Variants in MDH2 observed in about 807,000 individuals in gnomAD.
MDH2 encodes malate dehydrogenase 2.
Under a neutral mutation model 33.6 loss-of-function variants are expected in MDH2, and 25 were observed. The ratio of observed to expected loss-of-function variants is 0.74; its 90% CI spans 0.54 to 1.04. MDH2 has a LOEUF of 1.04. Ranked by LOEUF, MDH2 falls within the 50% of genes least tolerant of loss-of-function variation. The pLI is 0.00. For missense variants in MDH2, 432 were observed against 445.0 expected, an observed-to-expected ratio of 0.97 and a Z score of 0.26; for synonymous variants, 193 against 188.7, an observed-to-expected ratio of 1.02 and a Z score of -0.19.
Position 76,064,832 on chromosome 7 carries a change from G to C in MDH2, c.764G>C (p.Gly255Ala). The C allele has an allele frequency of 2.5e-6, 4 of 1,614,050 alleles. No individual in the cohort carries two copies. The highest frequency in any genetic ancestry group is 3.4e-6 in the Non-Finnish European group (4 of 1,180,008). The change falls in exon 8 of 9, where the codon GGC becomes GCC. Residue 255 changes from glycine to alanine, a missense_variant. Gly to Ala is a moderately conservative substitution (Grantham distance 60). Coordinates refer to ENST00000315758, the MANE Select transcript of MDH2 (RefSeq NM_005918.4). ...GSATLSMAYAGARFVFSLVDA... is the reference protein window; with the variant it reads ...GSATLSMAYAAARFVFSLVDA... ...GCCACCCTCTCCATGGCGTATGCCG[G>C]CGCCCGCTTTGTCTTCTCCCTTGTG...
chr7:76,064,755 G>A (rs781949535), intron 7 of MDH2, 47 bp from the exon 8 acceptor site: 45 of 1,568,908 alleles, frequency 2.9e-5, no homozygotes, highest in African/African-American at 4.1e-5. Context: ...TCACCTGGGC[G>A]TCACGTTTGT....
At chr7:76,064,624 T>G (rs1798044063) in intron 7 of MDH2, among the ~76,000 whole-genome samples, 178 bp from the exon 8 acceptor site, 1 of 152,210 alleles carries the variant, frequency 6.6e-6, no homozygotes, top group African/African-American at 2.4e-5. Context: ...GAGTCATTTT[T>G]GAGGGTGGCA....
At chr7:76,052,637 T>G (rs1330137083) in intron 1 of MDH2, among the ~76,000 whole-genome samples, 1 of 150,904 alleles carries the variant, frequency 6.6e-6, no homozygotes, top group Non-Finnish European at 1.5e-5. Flanking sequence ...GATCTCCTCC[T>G]GGGTTCAAGC....
chr7:76,064,236 T>C (rs1798031407), intron 6 of MDH2, 103 bp from the exon 7 acceptor site: 2 of 730,758 alleles, frequency 2.7e-6, no homozygotes, highest in Admixed American at 6.1e-5. Flanking sequence ...CATGCCCTGG[T>C]GATGGGAGGG....
At chr7:76,055,566 A>G (rs1209429450) in intron 2 of MDH2, among the ~76,000 whole-genome samples, 1 of 151,340 alleles carries the variant, frequency 6.6e-6, no homozygotes, top group East Asian at 2.0e-4. Flanking sequence ...CGAGACCCCT[A>G]TCTCAACAAA....
chr7:76,062,352 G>A (rs1797979495), intron 5 of MDH2, among the ~76,000 whole-genome samples: 2 of 152,222 alleles, frequency 1.3e-5, no homozygotes, highest in Non-Finnish European at 2.9e-5. Context: ...TGGAAAGCAG[G>A]GCTGTGTCCC....
In MDH2 at chr7:76,058,066, C is replaced by T. The variant is rs374670265; in HGVS notation, c.417C>T (p.Val139=). ...ACTGCCCGGAAGCCATGATCTGCGT[C>T]ATTGCCAATCCGGTGAGTGTGGCAG... The part of the protein sequence containing the change: ...AQHCPEAMIC[V]IANPVNSTIP... Residue 139 remains valine (V), a synonymous_variant, in exon 4 of 9, where the codon GTC becomes GTT. Transcript: ENST00000315758. 193 of 1,612,944 alleles carry T rather than the reference C, an allele frequency of 1.2e-4. No individual in the cohort carries two copies. The highest frequency in any genetic ancestry group is 1.6e-4 in the Non-Finnish European group (185 of 1,179,954).
intron 3 of MDH2, 92 bp from the exon 4 acceptor site, chr7:76,057,877 A>G: frequency 8.0e-7 from 1 of 1,255,850 alleles, no homozygotes; most frequent in South Asian, 1.3e-5. Flanking sequence ...TTGAGTGGCT[A>G]AATTTCCTGT....
chr7:76,060,333 G>A (rs782147147), intron 4 of MDH2, 40 bp from the exon 5 acceptor site: 24 of 1,609,922 alleles, frequency 1.5e-5, no homozygotes, highest in Non-Finnish European at 2.0e-5. Context: ...CCTGCTCTCG[G>A]AACCCAGGGC....
chr7:76,065,799 T>TG (rs1798079490), intron 8 of MDH2, among the ~76,000 whole-genome samples: 2 of 152,156 alleles, frequency 1.3e-5, no homozygotes, highest in Non-Finnish European at 2.9e-5. Context: ...TGTCAGACAT[T>TG]TACCTACTTA....
At chr7:76,063,651 G>C in intron 6 of MDH2, 59 bp downstream of exon 6, 1 of 1,525,652 alleles carries the variant, frequency 6.6e-7, no homozygotes, top group Non-Finnish European at 9.1e-7. Context: ...ACCAGGCCCT[G>C]CTTTGAGGTG....
chr7:76,055,265 G>T (rs1358082677), intron 2 of MDH2, among the ~76,000 whole-genome samples: 2 of 152,134 alleles, frequency 1.3e-5, no homozygotes, highest in African/African-American at 4.8e-5. Context: ...GGGGAAGAGG[G>T]AAGTGTCAGC....
rs1460066257 is a variant in MDH2 at position 76,067,488 on chromosome 7, CG to C, written c.*1081del. ...CCCAAAAAGCAGCTAAAAAATAAAG[CG>C]GGAAAGGAACTACTGGTAATACTTG... is the stretch of plus-strand genomic sequence containing the variant. On this transcript the variant is annotated 3_prime_UTR_variant, in exon 9 of 9. Transcript: ENST00000315758. 1 of 152,108 alleles carries C rather than the reference CG, an allele frequency of 6.6e-6. No individual in the cohort carries two copies. The highest frequency in any genetic ancestry group is 1.5e-5 in the Non-Finnish European group (1 of 68,018). The allele number at this position is 152,108 out of a possible 1,614,324, so 9.4% of individuals were successfully genotyped here.
rs782236110 is a variant in MDH2, at chr7:76,054,853, A to C, written c.90A>C (p.Leu30=). 1 of 1,613,974 alleles carries C rather than the reference A, an allele frequency of 6.2e-7. No homozygotes were observed. Residue 30 remains leucine (L), a synonymous_variant, in exon 2 of 9, where the codon CTA becomes CTC. Transcript: ENST00000315758. The stretch of plus-strand genomic sequence containing the variant: ...AGAACAATGCTAAAGTAGCTGTGCT[A>C]GGGGCCTCTGGAGGCATCGGGCAGC... ...SAQNNAKVAV[L]GASGGIGQPL...
chr7:76,059,767 T>TA lies in MDH2; in HGVS notation c.430-605dup, dbSNP rs566447609. 3.1e-3 allele frequency among the ~76,000 whole-genome samples: 473 copies of TA among 152,254 alleles called. 3 individuals carry two copies. The highest frequency in any genetic ancestry group is 0.011 in the African/African-American group (451 of 41,582). On this transcript the variant is annotated intron_variant, in intron 4 of 8. Transcript: ENST00000315758. ...GCTCCTCAGGGTGGTGGGTCACAAA[T>TA]AGAGAGCTGCTATTCCCTTTGTTGG...
At chr7:76,057,782 T>TGCTCCACCCATGCAGACCTC (rs1211156622) in intron 3 of MDH2, among the ~76,000 whole-genome samples, 187 bp from the exon 4 acceptor site, 6 of 152,190 alleles carry the variant, frequency 3.9e-5, no homozygotes, top group African/African-American at 1.4e-4. Flanking sequence ...TGTCCTCCCC[T>TGCTCCACCCATGCAGACCTC]GCTCCACCCA....
intron 4 of MDH2, among the ~76,000 whole-genome samples, chr7:76,059,932 G>GA (rs1338176400): frequency 1.3e-5 from 2 of 152,064 alleles, no homozygotes; most frequent in Non-Finnish European, 2.9e-5. Context: ...ACTTACAGAA[G>GA]AAAAAAACGG....
intron 8 of MDH2, 114 bp downstream of exon 8, chr7:76,065,067 C>T (rs541819010): frequency 7.8e-6 from 10 of 1,280,790 alleles, no homozygotes; most frequent in African/African-American, 7.4e-5. Flanking sequence ...GCCTGCCTGG[C>T]GAGTGCTGTT....
At position 76,063,581 on chromosome 7, in the gene MDH2, CT is replaced by C; in HGVS notation, c.623del (p.Leu208ArgfsTer16). 2.5e-6 allele frequency: 4 copies of C among 1,614,220 alleles called. No homozygotes were observed. Among genetic ancestry groups the C allele is most frequent in the Non-Finnish European group, 3.4e-6 (4 of 1,180,012 alleles). On this transcript the variant is annotated frameshift_variant, in exon 6 of 9. Transcript: ENST00000315758. LOFTEE classifies it high-confidence loss of function. Reference protein sequence around the residue: ...GGHAGKTIIPLISQCTPKVDF... With the variant: ...GGHAGKTIIPXISQCTPKVDF... ...CCATGCTGGGAAGACCATCATCCCC[CT>C]GATCTCTCAGGTACACGCATATGAC...
Sources: allele counts gnomAD v4.1 joint callset (sites outside exome capture counted in the v4.1 genomes callset), GRCh38; gene constraint gnomAD v4.1.1; transcripts MANE v1.5; gene names NCBI Gene and HGNC (gene_info 2026-07-23, HGNC 2026-07-21).